The following ALK variants were observed in gnomAD, a reference collection of about 807,000 sequenced individuals.
The protein encoded by ALK is ALK receptor tyrosine kinase, also known as ALK tyrosine kinase receptor.
A neutral mutation model predicts 163.1 loss-of-function variants in ALK; 74 were observed. That is an observed-to-expected ratio of 0.45 (90% confidence interval 0.38 to 0.55). The LOEUF (loss-of-function observed/expected upper bound fraction) is 0.55, where lower values mean the gene tolerates loss of function less well. Ranked by LOEUF, ALK falls within the 20% of genes least tolerant of loss-of-function variation. The probability of loss-of-function intolerance (pLI) is 0.00; values close to 1 mark genes in which losing one functional copy is unlikely to be tolerated. For missense variants in ALK, 2,063 were observed against 2,105.3 expected, an observed-to-expected ratio of 0.98 and a Z score of 0.39; for synonymous variants, 960 against 843.2, an observed-to-expected ratio of 1.14 and a Z score of -2.40.
chr2:29,625,207 C>G (rs1272696684), intron 3 of ALK, among the ~76,000 whole-genome samples: 2 of 152,106 alleles, frequency 1.3e-5, no homozygotes, highest in African/African-American at 4.8e-5. Context: ...CACCAACAAT[C>G]CTATATTTAT....
At chr2:29,531,884 A>G in intron 4 of ALK, 31 bp downstream of exon 4, 1 of 1,612,282 alleles carries the variant, frequency 6.2e-7, no homozygotes, top group Non-Finnish European at 8.5e-7. Context: ...ACCTGGTATA[A>G]AATCAATTTT....
chr2:29,668,649 T>G (rs1183726541), intron 3 of ALK, among the ~76,000 whole-genome samples: 2 of 152,266 alleles, frequency 1.3e-5, no homozygotes, highest in Non-Finnish European at 2.9e-5. Context: ...TGTTCAGCCT[T>G]GTTTTGTGGC....
chr2:29,540,725 C>G (rs1247742117), intron 3 of ALK, among the ~76,000 whole-genome samples: 2 of 151,796 alleles, frequency 1.3e-5, no homozygotes, highest in South Asian at 2.1e-4. Context: ...GGCTACAAGT[C>G]TCCAAAAATA....
At chr2:29,770,412 A>G (rs1259356645) in intron 1 of ALK, among the ~76,000 whole-genome samples, 1 of 152,240 alleles carries the variant, frequency 6.6e-6, no homozygotes, top group Admixed American at 6.5e-5. Flanking sequence ...CGTCCCAACA[A>G]CAAGCTCAGG....
intron 8 of ALK, among the ~76,000 whole-genome samples, chr2:29,316,100 G>A (rs115805350): frequency 0.019 from 2,927 of 152,194 alleles, 105 homozygotes; most frequent in African/African-American, 0.065. Flanking sequence ...TAGCCCGCCC[G>A]GGAGGAGGAA....
At chr2:29,477,799 G>A (rs1462950923) in intron 4 of ALK, among the ~76,000 whole-genome samples, 3 of 152,150 alleles carry the variant, frequency 2.0e-5, no homozygotes, top group Admixed American at 6.5e-5. Flanking sequence ...AAGACTTAGG[G>A]GAAATTGCTT....
intron 3 of ALK, among the ~76,000 whole-genome samples, chr2:29,549,594 C>T (rs1486035497): frequency 6.6e-6 from 1 of 152,098 alleles, no homozygotes. Context: ...AGTACTGAAA[C>T]TTAATTCAGT....
Position 29,320,751 on chromosome 2 carries a change from C to A in ALK, c.1546G>T (p.Asp516Tyr). The A allele has an allele frequency of 6.2e-7, 1 of 1,613,682 alleles. No homozygotes were observed. The highest frequency in any genetic ancestry group is 8.5e-7 in the Non-Finnish European group (1 of 1,179,962). The change falls in exon 7 of 29, where the codon GAC becomes TAC. Residue 516 changes from aspartate (D) to tyrosine (Y), a missense_variant and splice_region_variant. By Grantham distance (160) the Asp-to-Tyr change is radical. Around this residue, in one of 5 missense-constraint regions of ALK, gnomAD observed 987 missense variants for 939.5 expected, o/e 1.05. Coordinates refer to ENST00000389048, the MANE Select transcript of ALK (RefSeq NM_004304.5). ...AGAGAAGGCAGGAGAGCAGTAGTAC[C>A]TTGGTGGTCCTGGAACCGGGCATCC... ...LKDARFQDHQ[D>Y]HALLLSTTDV...
chr2:29,207,519 C>G (rs1669343912), intron 25 of ALK, among the ~76,000 whole-genome samples: 2 of 152,218 alleles, frequency 1.3e-5, no homozygotes, highest in Non-Finnish European at 1.5e-5. Context: ...TATGCAATGA[C>G]TAAGATACCT....
chr2:29,254,902 A>G (rs960429260), intron 11 of ALK, among the ~76,000 whole-genome samples: 4 of 152,142 alleles, frequency 2.6e-5, no homozygotes, highest in African/African-American at 9.7e-5. Flanking sequence ...TTCAGTGGAC[A>G]TACATTAGTC....
chr2:29,819,612 T>A (rs1664991229), intron 1 of ALK, among the ~76,000 whole-genome samples: 1 of 152,264 alleles, frequency 6.6e-6, no homozygotes, highest in Admixed American at 6.5e-5. Context: ...AAAAAGTTTC[T>A]TAGCAAATTG....
chr2:29,829,460 G>C (rs904086382), intron 1 of ALK, among the ~76,000 whole-genome samples: 1 of 152,108 alleles, frequency 6.6e-6, no homozygotes, highest in South Asian at 2.1e-4. Flanking sequence ...GTGGTTGTTT[G>C]TAAGAGCAGA....
intron 1 of ALK, among the ~76,000 whole-genome samples, chr2:29,902,441 C>A (rs1452460067): frequency 6.6e-6 from 1 of 152,158 alleles, no homozygotes; most frequent in African/African-American, 2.4e-5. Flanking sequence ...GACCCCAGTC[C>A]CTACATGCTA....
chr2:29,556,167 T>C (rs1207957539), intron 3 of ALK, among the ~76,000 whole-genome samples: 2 of 152,014 alleles, frequency 1.3e-5, no homozygotes, highest in Non-Finnish European at 2.9e-5. Flanking sequence ...GCCTAGGGGG[T>C]TATTTCCCCA....
chr2:29,589,927 G>A (rs1171486851), intron 3 of ALK, among the ~76,000 whole-genome samples: 3 of 152,162 alleles, frequency 2.0e-5, no homozygotes, highest in Non-Finnish European at 4.4e-5. Context: ...CCTCTAGCAC[G>A]CTTGTCAAAT....
At chr2:29,357,378 T>C (rs13020743) in intron 5 of ALK, among the ~76,000 whole-genome samples, 35,593 of 152,158 alleles carry the variant, frequency 0.23, 4,401 homozygotes, top group Middle Eastern at 0.3. Context: ...CTGGCAGGGC[T>C]CAGCTCACGC....
At chr2:29,685,538 A>T (rs759346009) in intron 3 of ALK, among the ~76,000 whole-genome samples, 15 of 152,162 alleles carry the variant, frequency 9.9e-5, no homozygotes, top group Non-Finnish European at 2.1e-4. Flanking sequence ...GCCAGAATTC[A>T]TTGGATACCT....
At chr2:29,465,412 G>A (rs1671186246) in intron 4 of ALK, among the ~76,000 whole-genome samples, 1 of 152,136 alleles carries the variant, frequency 6.6e-6, no homozygotes, top group African/African-American at 2.4e-5. Flanking sequence ...GTTAAAAGTA[G>A]GCCAGGCATG....
chr2:29,600,149 C>T (rs1675342476), intron 3 of ALK, among the ~76,000 whole-genome samples: 1 of 152,178 alleles, frequency 6.6e-6, no homozygotes, highest in African/African-American at 2.4e-5. Context: ...GGCTAAGACC[C>T]CCCAAGACTG....
Sources: gnomAD v4.1 joint callset for allele counts (sites outside exome capture counted in the v4.1 genomes callset) on GRCh38, gnomAD v4.1.1 for gene constraint, gnomAD v4.1.1 regional missense constraint, MANE v1.5 for transcripts, NCBI Gene and HGNC (gene_info 2026-07-23, HGNC 2026-07-21) for gene names.